The following PTGFRN variants were observed in gnomAD, a reference collection of about 807,000 sequenced individuals.
PTGFRN encodes prostaglandin F2 receptor inhibitor, also known as prostaglandin F2 receptor negative regulator.
Under a neutral mutation model 83.2 loss-of-function variants are expected in PTGFRN, and 35 were observed. The ratio of observed to expected loss-of-function variants is 0.42; its 90% CI spans 0.32 to 0.56. PTGFRN has a LOEUF of 0.56. PTGFRN is among the 20% of genes least tolerant of loss of function. PTGFRN has a pLI of 0.11. For synonymous variants in PTGFRN, 519 were observed against 498.6 expected (o/e 1.04, Z -0.55); for missense variants, 1,051 against 1,179.5 (o/e 0.89, Z 1.60).
At chr1:116,984,497 A>G (rs908428150) in intron 7 of PTGFRN, among the ~76,000 whole-genome samples, 183 bp from the exon 8 acceptor site, 2 of 152,214 alleles carry the variant, frequency 1.3e-5, no homozygotes, top group Admixed American at 1.3e-4. Flanking sequence ...TAGTCTGGCA[A>G]TAATGGCAGA....
intron 6 of PTGFRN, among the ~76,000 whole-genome samples, chr1:116,970,741 A>G (rs1356031186): frequency 1.3e-5 from 2 of 152,366 alleles, no homozygotes; most frequent in East Asian, 1.9e-4. Context: ...ATAGCCCTGA[A>G]TAGCCACCAG....
At chr1:116,951,796 G>A (rs1650358452) in intron 4 of PTGFRN, among the ~76,000 whole-genome samples, 2 of 152,178 alleles carry the variant, frequency 1.3e-5, no homozygotes, top group South Asian at 2.1e-4. Context: ...AGACTTCCCC[G>A]CTGGACTCTG....
intron 1 of PTGFRN, among the ~76,000 whole-genome samples, chr1:116,938,017 A>T (rs1325665171): frequency 6.6e-6 from 1 of 152,200 alleles, no homozygotes. Context: ...CTCCACCATG[A>T]TGCTTTCTTC....
At chr1:116,931,006 C>T (rs548688623) in intron 1 of PTGFRN, among the ~76,000 whole-genome samples, 184 of 152,286 alleles carry the variant, frequency 1.2e-3, no homozygotes, top group Middle Eastern at 3.4e-3. Context: ...TCTCTTTTGA[C>T]CCCTGAGGCA....
chr1:116,920,930 T>C (rs1649521230), intron 1 of PTGFRN, among the ~76,000 whole-genome samples: 1 of 152,116 alleles, frequency 6.6e-6, no homozygotes, highest in Non-Finnish European at 1.5e-5. Flanking sequence ...AGCCGAAGAG[T>C]TGAAATTCTG....
chr1:116,945,091 A>T lies in PTGFRN; in HGVS notation c.831A>T (p.Ser277=). Residue 277 remains serine, a splice_region_variant and synonymous_variant, in exon 3 of 9, where the codon TCA becomes TCT. Coordinates refer to ENST00000393203, the MANE Select transcript of PTGFRN (RefSeq NM_020440.4). ...TTGCCACCGTGGTGATCCAGCCATC[A>T]GGTGAGCTGGAAACGATGCGTTATA... is the stretch of plus-strand genomic sequence containing the variant. ...VEVATVVIQP[S]VLRAAVPKNV... is the part of the protein sequence containing the mutation. 6.2e-7 allele frequency: 1 copy of T among 1,610,306 alleles called. No individual in the cohort carries two copies. The highest frequency in any genetic ancestry group is 8.5e-7 in the Non-Finnish European group (1 of 1,178,130).
chr1:116,941,734 G>A lies in PTGFRN; in HGVS notation c.69G>A (p.Val23=). The A allele has an allele frequency of 2.5e-6, 4 of 1,613,136 alleles. No individual in the cohort carries two copies. The highest frequency in any genetic ancestry group is 3.4e-6 in the Non-Finnish European group (4 of 1,179,392). Residue 23 remains valine, a synonymous_variant, in exon 2 of 9, where the codon GTG becomes GTA. Coordinates refer to ENST00000393203, the MANE Select transcript of PTGFRN (RefSeq NM_020440.4). This position sits in a 1 kb window ranked among gnomAD's most constrained non-coding sequence, Gnocchi z 5.0. ...TTGCAGCTCTTTGCCGAGGGCGTGT[G>A]GTGAGAGTCCCCACAGCGACCCTGG... is the stretch of plus-strand genomic sequence containing the variant. ...LLSLALCRGR[V]VRVPTATLVR...
chr1:116,964,708 C>T (rs908548602), intron 5 of PTGFRN, among the ~76,000 whole-genome samples: 1 of 152,222 alleles, frequency 6.6e-6, no homozygotes, highest in Admixed American at 6.5e-5. Flanking sequence ...ACAGGCATCT[C>T]AAGCTTCTGT....
chr1:116,951,083 C>G, intron 4 of PTGFRN, among the ~76,000 whole-genome samples: 1 of 152,160 alleles, frequency 6.6e-6, no homozygotes, highest in East Asian at 1.9e-4. Flanking sequence ...GTACCCGCTC[C>G]CCCTTCAGCT....
At chr1:116,914,882 G>T (rs1649362671) in intron 1 of PTGFRN, among the ~76,000 whole-genome samples, 1 of 151,964 alleles carries the variant, frequency 6.6e-6, no homozygotes, top group Admixed American at 6.6e-5. Flanking sequence ...ACAAGGCTCT[G>T]CACCTAATAG....
Position 116,949,230 on chromosome 1 carries a change from G to A in PTGFRN, c.871G>A (p.Glu291Lys). Residue 291 changes from glutamate to lysine, a missense_variant, in exon 4 of 9, where the codon GAA becomes AAA. By Grantham distance (56) the Glu-to-Lys change is moderately conservative. Coordinates refer to ENST00000393203, the MANE Select transcript of PTGFRN (RefSeq NM_020440.4). ...TGTGCCCAAGAATGTGTCTGTGGCTGAAGGAAAGGAACTGGACCTGACCTG... is the reference window on the plus strand; with the variant it reads ...TGTGCCCAAGAATGTGTCTGTGGCTAAAGGAAAGGAACTGGACCTGACCTG... ...AAVPKNVSVA[E>K]GKELDLTCNI... The A allele has an allele frequency of 6.2e-7, 1 of 1,605,958 alleles. No homozygotes were observed. The highest frequency in any genetic ancestry group is 8.5e-7 in the Non-Finnish European group (1 of 1,174,042).
chr1:116,915,014 A>C (rs751568149), intron 1 of PTGFRN, among the ~76,000 whole-genome samples: 4 of 152,196 alleles, frequency 2.6e-5, no homozygotes, highest in Non-Finnish European at 4.4e-5. Flanking sequence ...TCTTTATTAC[A>C]GATAAGGAAA....
At chr1:116,957,171 G>GTGTT (rs1349058409) in intron 4 of PTGFRN, among the ~76,000 whole-genome samples, 5 of 150,442 alleles carry the variant, frequency 3.3e-5, no homozygotes, top group Non-Finnish European at 5.9e-5. Context: ...GTGTGTGTGT[G>GTGTT]TGTGTTTGTG....
At chr1:116,984,658 G>A (rs778006074) in intron 7 of PTGFRN, 22 bp from the exon 8 acceptor site, 5 of 1,607,884 alleles carry the variant, frequency 3.1e-6, no homozygotes, top group African/African-American at 2.7e-5. Flanking sequence ...TGACCCCAGG[G>A]TTTTGGCTTG....
At chr1:116,919,332 T>A (rs1402447400) in intron 1 of PTGFRN, among the ~76,000 whole-genome samples, 1 of 152,214 alleles carries the variant, frequency 6.6e-6, no homozygotes, top group Non-Finnish European at 1.5e-5. Context: ...GAGGGTTCTT[T>A]CCTTCCCAAT....
rs1189496289 is a variant in PTGFRN, at chr1:116,923,273, A to T, written c.49+13021A>T. Among the ~76,000 whole-genome samples the T allele has an allele frequency of 6.6e-6, 1 of 152,232 alleles. No individual in the cohort carries two copies. The highest frequency in any genetic ancestry group is 2.4e-5 in the African/African-American group (1 of 41,468). ...TATATATTTAAAATTGTGGACGTTA[A>T]GTTATAACAGGGGCAGAAGATATCT... On this transcript the variant is annotated intron_variant, in intron 1 of 8. Transcript: ENST00000393203. The surrounding 1 kb of genome is among the most constrained non-coding windows in gnomAD (Gnocchi z 4.0).
At chr1:116,924,141 G>A (rs1570646312) in intron 1 of PTGFRN, among the ~76,000 whole-genome samples, 1 of 140,462 alleles carries the variant, frequency 7.1e-6, no homozygotes, top group Non-Finnish European at 1.5e-5. Context: ...ACCTGTGCAT[G>A]TATTTTTTTT....
intron 7 of PTGFRN, among the ~76,000 whole-genome samples, chr1:116,976,787 C>G (rs1485258241): frequency 1.3e-5 from 2 of 152,184 alleles, no homozygotes; most frequent in African/African-American, 4.8e-5. Flanking sequence ...TTGTAAAGAC[C>G]ATTGATGCTA....
chr1:116,966,476 C>G (rs1650836514), intron 5 of PTGFRN, among the ~76,000 whole-genome samples: 1 of 152,228 alleles, frequency 6.6e-6, no homozygotes, highest in Non-Finnish European at 1.5e-5. Context: ...CTGCACTTAG[C>G]AGACCCCTGG....
Sources: allele counts gnomAD v4.1 joint callset (sites outside exome capture counted in the v4.1 genomes callset), GRCh38; gene constraint gnomAD v4.1.1; non-coding constraint Gnocchi (gnomAD v3.1); transcripts MANE v1.5; gene names NCBI Gene and HGNC (gene_info 2026-07-23, HGNC 2026-07-21).